TSPEAR: variants seen among roughly 807,000 people sequenced by gnomAD.
TSPEAR encodes the protein thrombospondin-type laminin G domain and EAR repeat-containing protein.
A neutral mutation model predicts 71.6 loss-of-function variants in TSPEAR; 69 were observed. The ratio of observed to expected loss-of-function variants is 0.96; its 90% CI spans 0.79 to 1.18. The LOEUF (loss-of-function observed/expected upper bound fraction) is 1.18. TSPEAR is among the 50% of genes most tolerant of loss of function. The probability of loss-of-function intolerance (pLI) is 0.00; values close to 1 mark genes in which losing one functional copy is unlikely to be tolerated. For synonymous variants in TSPEAR, 402 were observed against 387.2 expected, an observed-to-expected ratio of 1.04 and a Z score of -0.45; for missense variants, 971 against 894.9, an observed-to-expected ratio of 1.09 and a Z score of -1.09.
In TSPEAR at chr21:44,568,980, G is replaced by A. The variant is rs9982855; in HGVS notation, c.83-975C>T. Among the ~76,000 whole-genome samples the A allele has an allele frequency of 5.7e-3, 867 of 152,258 alleles. 5 individuals carry two copies. The highest frequency in any genetic ancestry group is 0.02 in the African/African-American group (818 of 41,532). On this transcript the variant is annotated intron_variant, in intron 1 of 11. Coordinates refer to ENST00000323084, the MANE Select transcript of TSPEAR (RefSeq NM_144991.3). ...GTCATGGATTCTCTGTGAAGGCCCC[G>A]GAAGGGCTTTGGTCAAACATCTCAA...
chr21:44,516,854 T>A (rs1555913515), intron 9 of TSPEAR, among the ~76,000 whole-genome samples: 1 of 152,158 alleles, frequency 6.6e-6, no homozygotes, highest in African/African-American at 2.4e-5. Context: ...TGTCCCCTCC[T>A]GGGTATGGCC....
intron 1 of TSPEAR, among the ~76,000 whole-genome samples, chr21:44,693,054 A>G (rs893324931): frequency 1.4e-4 from 21 of 152,200 alleles, no homozygotes; most frequent in African/African-American, 4.8e-4. Flanking sequence ...AAATAAACTC[A>G]TACATTTATG....
intron 10 of TSPEAR, chr21:44,507,014 G>A (rs143279590): frequency 1.3e-5 from 2 of 152,420 alleles, no homozygotes; most frequent in East Asian, 3.9e-4. Flanking sequence ...CGGATGAAGT[G>A]TGACTCAGCC....
At chr21:44,654,776 CTG>C (rs1985037236) in intron 1 of TSPEAR, 10 of 590,530 alleles carry the variant, frequency 1.7e-5, no homozygotes, top group Admixed American at 8.9e-5. Flanking sequence ...GTTGATCTTT[CTG>C]TGTTTTTCTG....
intron 1 of TSPEAR, among the ~76,000 whole-genome samples, chr21:44,628,706 C>T (rs1356228494): frequency 6.6e-6 from 1 of 152,072 alleles, no homozygotes; most frequent in Non-Finnish European, 1.5e-5. Context: ...GGGTGGCAGG[C>T]CCCAGCTGTG....
At chr21:44,639,587 A>AG (rs1555938096) in intron 1 of TSPEAR, among the ~76,000 whole-genome samples, 8 of 152,092 alleles carry the variant, frequency 5.3e-5, no homozygotes. Context: ...GGGGGCCTCC[A>AG]GGGACAGAGA....
chr21:44,646,399 C>T, intron 1 of TSPEAR: 2 of 1,128,308 alleles, frequency 1.8e-6, no homozygotes, highest in South Asian at 3.1e-5. Flanking sequence ...CTCACTCACT[C>T]ACACACACAC....
intron 1 of TSPEAR, chr21:44,627,578 G>T: frequency 6.2e-7 from 1 of 1,613,342 alleles, no homozygotes; most frequent in Non-Finnish European, 8.5e-7. Flanking sequence ...TCTTCCTCCT[G>T]CCAGCCGGCC....
At chr21:44,708,007 GCACACA>G (rs58196199) in intron 1 of TSPEAR, among the ~76,000 whole-genome samples, 32,373 of 122,126 alleles carry the variant, frequency 0.27, 4,911 homozygotes, top group Middle Eastern at 0.39. Flanking sequence ...CCCCGCGCGT[GCACACA>G]CACACACACA....
chr21:44,660,685 G>A (rs1199715303), intron 1 of TSPEAR, among the ~76,000 whole-genome samples: 5 of 152,234 alleles, frequency 3.3e-5, no homozygotes, highest in Admixed American at 3.3e-4. Flanking sequence ...ACCACCTCTT[G>A]GCTGGGTGCC....
rs367887851 is a variant in TSPEAR, at chr21:44,682,171, G to C, written c.82+29262C>G. 7.2e-4 allele frequency: 1,143 copies of C among 1,594,170 alleles called. 12 individuals carry two copies. The highest frequency in any genetic ancestry group is 3.6e-4 in the Admixed American group (21 of 59,120). On this transcript the variant is annotated intron_variant, in intron 1 of 11. Transcript: ENST00000323084. Reference sequence around the variant, plus strand: ...TCGAGGCAGAGGGCAGTGATGTCTGGGGATGGCCTCCCTGGGTAGCCTTTA... The same window carrying C: ...TCGAGGCAGAGGGCAGTGATGTCTGCGGATGGCCTCCCTGGGTAGCCTTTA...
At chr21:44,684,185 G>T (rs73234850) in intron 1 of TSPEAR, among the ~76,000 whole-genome samples, 7,316 of 152,264 alleles carry the variant, frequency 0.048, 214 homozygotes, top group Middle Eastern at 0.14. Context: ...AAAATGCTGA[G>T]CAACAATAAC....
At chr21:44,676,057 A>G in intron 1 of TSPEAR, 1 of 871,210 alleles carries the variant, frequency 1.1e-6, no homozygotes, top group Non-Finnish European at 2.0e-6. Context: ...GCTCAATGCA[A>G]TAGGAGGCAT....
intron 2 of TSPEAR, among the ~76,000 whole-genome samples, chr21:44,564,619 C>A (rs1472407719): frequency 6.6e-6 from 1 of 151,988 alleles, no homozygotes; most frequent in African/African-American, 2.4e-5. Flanking sequence ...AATAAAAGAG[C>A]ACCAAAATAC....
chr21:44,631,459 G>A (rs1019351780), intron 1 of TSPEAR, among the ~76,000 whole-genome samples: 1 of 152,210 alleles, frequency 6.6e-6, no homozygotes, highest in Non-Finnish European at 1.5e-5. Flanking sequence ...GCTCACACCT[G>A]TAATCCCAGC....
chr21:44,566,679 A>C (rs1474468291), intron 2 of TSPEAR, among the ~76,000 whole-genome samples: 1 of 152,214 alleles, frequency 6.6e-6, no homozygotes, highest in Non-Finnish European at 1.5e-5. Context: ...TGAATGAATA[A>C]AGTAAAATTG....
chr21:44,572,178 A>G (rs78641701), intron 1 of TSPEAR, among the ~76,000 whole-genome samples: 3,813 of 152,308 alleles, frequency 0.025, 154 homozygotes, highest in African/African-American at 0.083. Flanking sequence ...GGGGCATTCT[A>G]CAAAACACCC....
At chr21:44,545,990 T>G (rs2053298094) in intron 2 of TSPEAR, among the ~76,000 whole-genome samples, 1 of 152,178 alleles carries the variant, frequency 6.6e-6, no homozygotes, top group Admixed American at 6.5e-5. Flanking sequence ...GAGCAACAGA[T>G]TTGACAAATC....
At chr21:44,643,276 T>C (rs1383727006) in intron 1 of TSPEAR, among the ~76,000 whole-genome samples, 2 of 152,166 alleles carry the variant, frequency 1.3e-5, no homozygotes, top group Admixed American at 1.3e-4. Context: ...TGGGGACATG[T>C]TGATGACAGG....
Sources: allele counts gnomAD v4.1 joint callset (sites outside exome capture counted in the v4.1 genomes callset), GRCh38; gene constraint gnomAD v4.1.1; transcripts MANE v1.5; gene names NCBI Gene and HGNC (gene_info 2026-07-23, HGNC 2026-07-21).